Variants in HAUS5 observed in about 807,000 individuals in gnomAD.
The protein encoded by HAUS5 is HAUS augmin like complex subunit 5.
Under a neutral mutation model 94.1 loss-of-function variants are expected in HAUS5, and 67 were observed. The observed-to-expected ratio is 0.71, with a 90% CI of 0.58 to 0.87. HAUS5 has a LOEUF of 0.87. Among genes scored for constraint, HAUS5 ranks in the 40% least tolerant of loss-of-function variants. The probability of loss-of-function intolerance (pLI) is 0.00; values close to 1 mark genes in which losing one functional copy is unlikely to be tolerated. For synonymous variants in HAUS5, 339 were observed against 355.4 expected (o/e 0.95, Z 0.52); for missense variants, 739 against 825.6 (o/e 0.90, Z 1.29).
chr19:35,612,874 C>T lies in HAUS5; in HGVS notation c.80C>T (p.Pro27Leu). The T allele has an allele frequency of 6.5e-7, 1 of 1,545,026 alleles. No homozygotes were observed. The highest frequency in any genetic ancestry group is 1.2e-5 in the South Asian group (1 of 83,520). ...EMGVPVAARAPESTLRRLCLG... is the reference protein window; with the variant it reads ...EMGVPVAARALESTLRRLCLG... ...GGGGTGCCCGTGGCGGCCCGGGCCC[C>T]GGAATCGACGCTGCGCAGGTGAGGA... The change falls in exon 1 of 19, where the codon CCG (proline) becomes CTG (leucine). Residue 27 changes from proline to leucine, a missense_variant. Physicochemically the swap from Pro to Leu is moderately conservative, Grantham distance 98 (BLOSUM62 -3). Coordinates refer to ENST00000203166, the MANE Select transcript of HAUS5 (RefSeq NM_015302.2).
In HAUS5 at chr19:35,623,177, C is replaced by T. The variant is rs1967244653; in HGVS notation, c.*184C>T. On this transcript the variant is annotated 3_prime_UTR_variant, in exon 19 of 19. Coordinates refer to ENST00000203166, the MANE Select transcript of HAUS5 (RefSeq NM_015302.2). ...TCCTGGACCCTGTCCTTTCATCCCG[C>T]TAAAGCACCCCCTAAAACCCCTTCA... The T allele has an allele frequency of 1.7e-6, 1 of 590,964 alleles. No individual in the cohort carries two copies. Among genetic ancestry groups the T allele is most frequent in the African/African-American group, 1.9e-5 (1 of 53,776 alleles). The allele number at this position is 590,964 out of a possible 1,614,324, so 36.6% of individuals were successfully genotyped here.
rs1284606167 is a variant in HAUS5, at chr19:35,617,100, C to A, written c.486-24C>A. Reference sequence around the variant, plus strand: ...ACATCTGTTCTCCCAGGGACCCCAGCCCCAGCTGCACTTCTCCCTCCAGGA... The same window carrying A: ...ACATCTGTTCTCCCAGGGACCCCAGACCCAGCTGCACTTCTCCCTCCAGGA... On this transcript the variant is annotated intron_variant, in intron 6 of 18. Transcript: ENST00000203166. 8 of 1,604,212 alleles carry A rather than the reference C, an allele frequency of 5.0e-6. No individual in the cohort carries two copies. The South Asian group carries it at 8.8e-5, about 18-fold the overall frequency.
chr19:35,618,106 G>C lies in HAUS5; in HGVS notation c.732G>C (p.Leu244=). The change falls in exon 10 of 19, where the codon CTG becomes CTC. Residue 244 remains leucine (L), a synonymous_variant. Coordinates refer to ENST00000203166, the MANE Select transcript of HAUS5 (RefSeq NM_015302.2). ...LLTNHPPGHV[L]AALEHLAAER... The stretch of plus-strand genomic sequence containing the variant: ...CAAACCACCCCCCAGGCCACGTCCT[G>C]GCTGCCTTGGAGCACCTGGCTGCAG... 6.2e-7 allele frequency: 1 copy of C among 1,606,998 alleles called. No homozygotes were observed. The highest frequency in any genetic ancestry group is 8.5e-7 in the Non-Finnish European group (1 of 1,175,396).
chr19:35,618,036 C>T (rs747553518), intron 9 of HAUS5, 35 bp from the exon 10 acceptor site: 6 of 1,584,396 alleles, frequency 3.8e-6, no homozygotes, highest in Admixed American at 3.4e-5. Flanking sequence ...AGCCCTGCCC[C>T]GATCCTGCCC....
At chr19:35,622,560 C>G (rs756968848) in intron 17 of HAUS5, 41 bp from the exon 18 acceptor site, 1 of 1,604,736 alleles carries the variant, frequency 6.2e-7, no homozygotes, top group Admixed American at 1.7e-5. Context: ...TACCAGCGAG[C>G]CAGAGGACTC....
chr19:35,619,340 C>G lies in HAUS5; in HGVS notation c.1180-84C>G, dbSNP rs1967164510. ...TAGGCAAGAGCCCAGGTGAGACTCC[C>G]AGGCAGAAGCAGGACCTAAGCAGAG... On this transcript the variant is annotated intron_variant, in intron 13 of 18. Transcript: ENST00000203166. The G allele has an allele frequency of 1.9e-5, 21 of 1,118,320 alleles. 1 individual carries two copies. The South Asian group carries it at 3.0e-4, about 16-fold the overall frequency. The allele number at this position is 1,118,320 out of a possible 1,614,324, so 69.3% of individuals were successfully genotyped here. A position where few individuals can be genotyped will look rare whatever the true frequency, so the allele number is the denominator to read the frequency against.
Position 35,623,189 on chromosome 19 carries a change from C to T in HAUS5, c.*196C>T, listed in dbSNP as rs112079447. On this transcript the variant is annotated 3_prime_UTR_variant, in exon 19 of 19. Transcript: ENST00000203166. Reference sequence around the variant, plus strand: ...TCCTTTCATCCCGCTAAAGCACCCCCTAAAACCCCTTCATCACTTTCATTC... The same window carrying T: ...TCCTTTCATCCCGCTAAAGCACCCCTTAAAACCCCTTCATCACTTTCATTC... The T allele has an allele frequency of 3.4e-6, 2 of 580,152 alleles. No homozygotes were observed. Among genetic ancestry groups the T allele is most frequent in the South Asian group, 2.1e-5 (1 of 47,280 alleles). 35.9% of individuals were successfully genotyped at this position (580,152 alleles called of 1,614,324 possible).
In HAUS5 at chr19:35,618,947, C is replaced by T. The variant is rs562595358; in HGVS notation, c.1077C>T (p.His359=). The change falls in exon 13 of 19, where the codon CAC becomes CAT. Residue 359 remains histidine (H), a synonymous_variant. Transcript: ENST00000203166. Reference sequence around the variant, plus strand: ...TGTGGACGGAGCTCAAGGCCCTGCACGATCAGAGCCAGGAGCTGCAGGATG... The same window carrying T: ...TGTGGACGGAGCTCAAGGCCCTGCATGATCAGAGCCAGGAGCTGCAGGATG... ...CCLWTELKAL[H]DQSQELQDAA... 6.8e-6 allele frequency: 11 copies of T among 1,613,712 alleles called. No individual in the cohort carries two copies. The highest frequency in any genetic ancestry group is 1.3e-5 in the African/African-American group (1 of 75,044).
intron 15 of HAUS5, 89 bp from the exon 16 acceptor site, chr19:35,619,923 C>G: frequency 7.1e-6 from 11 of 1,544,798 alleles, no homozygotes; most frequent in Non-Finnish European, 9.6e-6. Flanking sequence ...GTCCCCAGAC[C>G]CACCTTGAAG....
rs1402861138 is a variant in HAUS5, at chr19:35,613,806, G to C, written c.161+14G>C. 6.2e-7 allele frequency: 1 copy of C among 1,614,184 alleles called. No homozygotes were observed. Among genetic ancestry groups the C allele is most frequent in the Non-Finnish European group, 8.5e-7 (1 of 1,180,016 alleles). ...GCACAGTCAGAGGTAAGCTGGGCTA[G>C]AGCAGGGGAGGGGGCACAGGTGAGG... On this transcript the variant is annotated intron_variant, in intron 2 of 18. Transcript: ENST00000203166.
At chr19:35,620,355 C>G (rs760994635) in intron 17 of HAUS5, 28 bp downstream of exon 17, 1 of 1,598,482 alleles carries the variant, frequency 6.3e-7, no homozygotes, top group Non-Finnish European at 8.5e-7. Flanking sequence ...CCCCATCCAG[C>G]CTCCCCGCCC....
At chr19:35,612,945 G>T in intron 1 of HAUS5, 53 bp downstream of exon 1, 1 of 1,269,326 alleles carries the variant, frequency 7.9e-7, no homozygotes, top group South Asian at 1.4e-5. Context: ...TGAGTCTCCG[G>T]GAGTGAGAAC....
intron 1 of HAUS5, 158 bp from the exon 2 acceptor site, chr19:35,613,570 TAA>T (rs34133946): frequency 0.12 from 58,824 of 476,940 alleles, no homozygotes; most frequent in South Asian, 0.19. Flanking sequence ...GACTGTCTCT[TAA>T]AAAAAAAAAA....
Position 35,617,106 on chromosome 19 carries a change from C to T in HAUS5, c.486-18C>T, listed in dbSNP as rs2071950087. On this transcript the variant is annotated intron_variant, in intron 6 of 18. Transcript: ENST00000203166. ...GTTCTCCCAGGGACCCCAGCCCCAG[C>T]TGCACTTCTCCCTCCAGGAAAGCCA... The T allele has an allele frequency of 6.2e-7, 1 of 1,609,014 alleles. No homozygotes were observed. Among genetic ancestry groups the T allele is most frequent in the Non-Finnish European group, 8.5e-7 (1 of 1,176,294 alleles).
intron 4 of HAUS5, 59 bp from the exon 5 acceptor site, chr19:35,614,983 A>G (rs1330130479): frequency 7.5e-7 from 1 of 1,333,736 alleles, no homozygotes; most frequent in Non-Finnish European, 1.0e-6. Flanking sequence ...GGTACCCCCA[A>G]AAGACAGGCC....
Position 35,612,810 on chromosome 19 carries a change from G to A in HAUS5, c.16G>A (p.Glu6Lys). Residue 6 changes from glutamate (E) to lysine (K), a missense_variant, in exon 1 of 19, where the codon GAA becomes AAA. Glu to Lys is a moderately conservative substitution (Grantham distance 56). Transcript: ENST00000203166. ...CGGCGCTGTCATGGAGCTAGCGCAG[G>A]AAGCGCGGGAACTGGGTTGCTGGGC... MELAQ[E>K]ARELGCWAVE... The A allele has an allele frequency of 6.5e-7, 1 of 1,547,664 alleles. No homozygotes were observed. The highest frequency in any genetic ancestry group is 1.2e-5 in the South Asian group (1 of 83,724).
intron 12 of HAUS5, 30 bp from the exon 13 acceptor site, chr19:35,618,857 C>T: frequency 6.4e-7 from 1 of 1,574,016 alleles, no homozygotes; most frequent in Non-Finnish European, 8.6e-7. Flanking sequence ...TCACCCTTCT[C>T]TCCTTTGCTC....
chr19:35,618,946 A>C lies in HAUS5; in HGVS notation c.1076A>C (p.His359Pro). The change falls in exon 13 of 19, where the codon CAC becomes CCC. Residue 359 changes from histidine (H) to proline (P), a missense_variant. His to Pro is a moderately conservative substitution (Grantham distance 77). Coordinates refer to ENST00000203166, the MANE Select transcript of HAUS5 (RefSeq NM_015302.2). ...CTGTGGACGGAGCTCAAGGCCCTGC[A>C]CGATCAGAGCCAGGAGCTGCAGGAT... is the stretch of plus-strand genomic sequence containing the variant. Reference protein sequence around the residue: ...CCLWTELKALHDQSQELQDAA... With the variant: ...CCLWTELKALPDQSQELQDAA... 1 of 1,613,706 alleles carries C rather than the reference A, an allele frequency of 6.2e-7. No individual in the cohort carries two copies. The highest frequency in any genetic ancestry group is 8.5e-7 in the Non-Finnish European group (1 of 1,179,848).
intron 17 of HAUS5, 106 bp downstream of exon 17, chr19:35,620,433 G>A: frequency 2.0e-6 from 2 of 988,632 alleles, no homozygotes; most frequent in Non-Finnish European, 3.0e-6. Flanking sequence ...TGCCCATTGT[G>A]TGCTAAGGGC....
Sources: allele counts gnomAD v4.1 joint callset, GRCh38; gene constraint gnomAD v4.1.1; transcripts MANE v1.5; gene names NCBI Gene and HGNC (gene_info 2026-07-23, HGNC 2026-07-21).